The following VAV3 variants were observed in gnomAD, a reference collection of about 807,000 sequenced individuals.
The protein encoded by VAV3 is vav guanine nucleotide exchange factor 3.
A neutral mutation model predicts 131.2 loss-of-function variants in VAV3; 94 were observed. The ratio of observed to expected loss-of-function variants is 0.72; its 90% CI spans 0.61 to 0.85. The LOEUF is 0.85. Among genes scored for constraint, VAV3 ranks in the 40% least tolerant of loss-of-function variants. The pLI, the probability that VAV3 is intolerant of heterozygous loss-of-function variation, is 0.00. For synonymous variants in VAV3, 349 were observed against 342.0 expected, an observed-to-expected ratio of 1.02 and a Z score of -0.22; for missense variants, 939 against 1,002.7, an observed-to-expected ratio of 0.94 and a Z score of 0.86.
At chr1:107,943,923 A>C (rs1209688202) in intron 1 of VAV3, among the ~76,000 whole-genome samples, 1 of 152,212 alleles carries the variant, frequency 6.6e-6, no homozygotes, top group African/African-American at 2.4e-5. Flanking sequence ...AAACCCAAAA[A>C]GCCCACCCAC....
intron 21 of VAV3, among the ~76,000 whole-genome samples, chr1:107,610,190 G>T (rs906971237): frequency 1.3e-5 from 2 of 152,138 alleles, no homozygotes; most frequent in Non-Finnish European, 2.9e-5. Context: ...TACTGCCACT[G>T]TAACTCTAAG....
intron 1 of VAV3, among the ~76,000 whole-genome samples, chr1:107,902,187 T>C (rs189276606): frequency 1.3e-4 from 20 of 152,348 alleles, no homozygotes; most frequent in African/African-American, 4.8e-4. Flanking sequence ...GAATTCTAAC[T>C]TTCCAAGCTA....
At chr1:107,760,420 T>C (rs1664345407) in intron 10 of VAV3, among the ~76,000 whole-genome samples, 1 of 152,200 alleles carries the variant, frequency 6.6e-6, no homozygotes, top group African/African-American at 2.4e-5. Flanking sequence ...AGAGGTCTAA[T>C]ATGATTAATC....
At chr1:107,765,290 C>A in intron 8 of VAV3, 115 bp from the exon 9 acceptor site, 2 of 751,240 alleles carry the variant, frequency 2.7e-6, no homozygotes, top group Non-Finnish European at 4.6e-6. Flanking sequence ...ACCAAAATAG[C>A]AGTAGAAATT....
chr1:107,596,574 G>A (rs1651409404), intron 24 of VAV3, among the ~76,000 whole-genome samples: 1 of 152,020 alleles, frequency 6.6e-6, no homozygotes, highest in Non-Finnish European at 1.5e-5. Context: ...ACCCCCTATT[G>A]TTATTCACAG....
At chr1:107,958,991 T>G (rs1470124246) in intron 1 of VAV3, among the ~76,000 whole-genome samples, 1 of 152,186 alleles carries the variant, frequency 6.6e-6, no homozygotes, top group Non-Finnish European at 1.5e-5. Flanking sequence ...CCGGGCACAG[T>G]GGCTTACAGC....
chr1:107,826,744 G>A (rs994441528), intron 2 of VAV3, among the ~76,000 whole-genome samples: 1 of 152,084 alleles, frequency 6.6e-6, no homozygotes, highest in Non-Finnish European at 1.5e-5. Context: ...AGGCTACGAA[G>A]GTGAAGTCTT....
intron 2 of VAV3, among the ~76,000 whole-genome samples, chr1:107,798,555 TAAAAATACA>T (rs1403588700): frequency 6.6e-6 from 1 of 151,576 alleles, no homozygotes; most frequent in East Asian, 1.9e-4. Flanking sequence ...TCATCTCTAC[TAAAAATACA>T]AAAAATTAGC....
intron 5 of VAV3, 91 bp from the exon 6 acceptor site, chr1:107,770,819 T>G (rs778003102): frequency 5.8e-5 from 60 of 1,034,566 alleles, no homozygotes; most frequent in Non-Finnish European, 8.4e-5. Flanking sequence ...CTGACTTTCT[T>G]AAACTTTCCT....
At chr1:107,860,234 C>G (rs1404195924) in intron 2 of VAV3, among the ~76,000 whole-genome samples, 1 of 152,168 alleles carries the variant, frequency 6.6e-6, no homozygotes, top group Non-Finnish European at 1.5e-5. Flanking sequence ...CATCCTCCTA[C>G]CTCAATCTTC....
At chr1:107,743,327 T>G (rs1353251010) in intron 15 of VAV3, among the ~76,000 whole-genome samples, 1 of 151,020 alleles carries the variant, frequency 6.6e-6, no homozygotes, top group South Asian at 2.1e-4. Context: ...CAAGGGAGAG[T>G]TCAGGCAGCT....
At chr1:107,738,742 G>C (rs1454440720) in intron 15 of VAV3, among the ~76,000 whole-genome samples, 1 of 152,180 alleles carries the variant, frequency 6.6e-6, no homozygotes, top group Admixed American at 6.5e-5. Context: ...TAGACTTATA[G>C]GTTAAAGCTT....
chr1:107,636,176 G>T (rs1229737654), intron 20 of VAV3, among the ~76,000 whole-genome samples: 1 of 152,192 alleles, frequency 6.6e-6, no homozygotes, highest in East Asian at 1.9e-4. Context: ...AATTGCATTT[G>T]AATTTTGCAG....
chr1:107,694,881 C>A (rs559245256), intron 17 of VAV3, among the ~76,000 whole-genome samples: 10 of 152,204 alleles, frequency 6.6e-5, no homozygotes, highest in Admixed American at 3.9e-4. Flanking sequence ...AACATAGAGT[C>A]AATTATAATA....
At chr1:107,715,300 TA>T (rs1365466393) in intron 15 of VAV3, among the ~76,000 whole-genome samples, 2 of 152,172 alleles carry the variant, frequency 1.3e-5, no homozygotes, top group Non-Finnish European at 2.9e-5. Flanking sequence ...TACTAAATGA[TA>T]AAAAGTATTA....
At chr1:107,911,068 T>C (rs1387214049) in intron 1 of VAV3, among the ~76,000 whole-genome samples, 1 of 151,880 alleles carries the variant, frequency 6.6e-6, no homozygotes, top group Non-Finnish European at 1.5e-5. Flanking sequence ...ACAAATAAAA[T>C]GTTACTCAAT....
chr1:107,733,969 G>T (rs1431523980), intron 15 of VAV3, among the ~76,000 whole-genome samples: 1 of 152,160 alleles, frequency 6.6e-6, no homozygotes, highest in Non-Finnish European at 1.5e-5. Flanking sequence ...AGAAAGGTCA[G>T]GTTACCCACA....
At chr1:107,661,464 C>A (rs1657009382) in intron 19 of VAV3, among the ~76,000 whole-genome samples, 1 of 152,150 alleles carries the variant, frequency 6.6e-6, no homozygotes, top group Admixed American at 6.5e-5. Context: ...CTTTGTTCAA[C>A]TGTGTTTCTG....
chr1:107,902,221 G>A (rs151185880), intron 1 of VAV3, among the ~76,000 whole-genome samples: 1 of 152,276 alleles, frequency 6.6e-6, no homozygotes, highest in African/African-American at 2.4e-5. Flanking sequence ...TAGACCAAGG[G>A]TCTCTACAGA....
Sources: allele counts gnomAD v4.1 joint callset (sites outside exome capture counted in the v4.1 genomes callset), GRCh38; gene constraint gnomAD v4.1.1; transcripts MANE v1.5; gene names NCBI Gene and HGNC (gene_info 2026-07-23, HGNC 2026-07-21).